The following SLC2A13 variants were observed in gnomAD, a reference collection of about 807,000 sequenced individuals.
SLC2A13 encodes solute carrier family 2 member 13.
Under a neutral mutation model 64.4 loss-of-function variants are expected in SLC2A13, and 32 were observed. That is an observed-to-expected ratio of 0.50 (90% CI 0.37 to 0.67). The LOEUF (loss-of-function observed/expected upper bound fraction) is 0.67, where lower values mean the gene tolerates loss of function less well. SLC2A13 is among the 30% of genes least tolerant of loss of function. SLC2A13 has a pLI of 0.00. For synonymous variants in SLC2A13, 338 were observed against 327.1 expected (o/e 1.03, Z -0.36); for missense variants, 743 against 829.2 (o/e 0.90, Z 1.28).
chr12:39,874,032 T>C (rs1462583491), intron 4 of SLC2A13, among the ~76,000 whole-genome samples: 1 of 152,216 alleles, frequency 6.6e-6, no homozygotes, highest in Non-Finnish European at 1.5e-5. Flanking sequence ...AGCTCATAGT[T>C]TAATTTAAAA....
At chr12:40,076,042 G>C (rs1938158502) in intron 1 of SLC2A13, among the ~76,000 whole-genome samples, 1 of 152,066 alleles carries the variant, frequency 6.6e-6, no homozygotes, top group Non-Finnish European at 1.5e-5. Context: ...CCACCATCTG[G>C]GTCATCTTGT....
At chr12:40,040,355 T>C (rs1278543275) in intron 2 of SLC2A13, among the ~76,000 whole-genome samples, 1 of 152,254 alleles carries the variant, frequency 6.6e-6, no homozygotes, top group East Asian at 1.9e-4. Flanking sequence ...ATCTTCATGA[T>C]AAACAGTCGT....
At chr12:39,794,889 A>G (rs765976255) in intron 7 of SLC2A13, among the ~76,000 whole-genome samples, 1 of 152,182 alleles carries the variant, frequency 6.6e-6, no homozygotes, top group Non-Finnish European at 1.5e-5. Context: ...TGAAGAAATG[A>G]GCTGTCAGTC....
chr12:40,025,958 C>T (rs917058742), intron 3 of SLC2A13, among the ~76,000 whole-genome samples: 2 of 152,074 alleles, frequency 1.3e-5, no homozygotes, highest in African/African-American at 2.4e-5. Flanking sequence ...TTAAACTGAC[C>T]CAGAGTCTTG....
intron 7 of SLC2A13, among the ~76,000 whole-genome samples, chr12:39,783,418 TAGTTCTGGATCCCTGAGGAATCACC>T (rs755238101): frequency 1.3e-5 from 2 of 152,232 alleles, no homozygotes; most frequent in Non-Finnish European, 2.9e-5. Context: ...ATGGTATTTC[TAGTTCTGGATCCCTGAGGAATCACC>T]ACACTGTCTT....
chr12:40,085,135 C>T, intron 1 of SLC2A13, among the ~76,000 whole-genome samples: 1 of 152,200 alleles, frequency 6.6e-6, no homozygotes, highest in East Asian at 1.9e-4. Flanking sequence ...CATCCATGTA[C>T]CAACAGTGGA....
chr12:40,009,068 G>A (rs1242771730), intron 3 of SLC2A13, among the ~76,000 whole-genome samples: 2 of 152,146 alleles, frequency 1.3e-5, no homozygotes, highest in African/African-American at 4.8e-5. Flanking sequence ...AATAATACAT[G>A]CATTATGATA....
At chr12:40,093,856 C>T (rs190958994) in intron 1 of SLC2A13, among the ~76,000 whole-genome samples, 2 of 152,188 alleles carry the variant, frequency 1.3e-5, no homozygotes, top group African/African-American at 2.4e-5. Context: ...AGACCACTAG[C>T]TTTTACTCTG....
intron 4 of SLC2A13, chr12:39,949,620 A>G (rs1946194929): frequency 6.6e-6 from 1 of 152,228 alleles, no homozygotes; most frequent in South Asian, 2.1e-4. Context: ...CCCATAAACT[A>G]GAGTTGGCTC....
intron 4 of SLC2A13, among the ~76,000 whole-genome samples, chr12:39,898,637 A>G (rs1944992820): frequency 6.6e-6 from 1 of 152,128 alleles, no homozygotes; most frequent in South Asian, 2.1e-4. Flanking sequence ...TTAGCCTGAT[A>G]CTCACACTAT....
chr12:40,035,605 G>T (rs1316642222), intron 2 of SLC2A13, among the ~76,000 whole-genome samples: 8 of 152,126 alleles, frequency 5.3e-5, no homozygotes. Context: ...TGCACAGATG[G>T]AATCTTTCAC....
intron 3 of SLC2A13, among the ~76,000 whole-genome samples, chr12:39,971,388 C>T (rs1946643790): frequency 6.6e-6 from 1 of 152,056 alleles, no homozygotes; most frequent in Non-Finnish European, 1.5e-5. Flanking sequence ...TGTTTTTCAC[C>T]TAATAAGCAT....
chr12:39,786,147 G>C (rs1190228292), intron 7 of SLC2A13, among the ~76,000 whole-genome samples: 1 of 152,080 alleles, frequency 6.6e-6, no homozygotes, highest in African/African-American at 2.4e-5. Context: ...CTTTGGCTTT[G>C]TCCCCACCCA....
intron 3 of SLC2A13, among the ~76,000 whole-genome samples, chr12:39,980,538 A>G (rs961934192): frequency 2.0e-5 from 3 of 151,892 alleles, no homozygotes; most frequent in Non-Finnish European, 4.4e-5. Flanking sequence ...TCTCTGATAA[A>G]GCAGACTTTA....
At chr12:40,046,646 A>G (rs1565603911) in intron 2 of SLC2A13, among the ~76,000 whole-genome samples, 1 of 151,946 alleles carries the variant, frequency 6.6e-6, no homozygotes, top group Non-Finnish European at 1.5e-5. Context: ...GAAAAAAAAA[A>G]AAGAAGAAAG....
intron 1 of SLC2A13, among the ~76,000 whole-genome samples, chr12:40,084,245 T>C (rs1327173883): frequency 6.6e-6 from 1 of 152,240 alleles, no homozygotes; most frequent in African/African-American, 2.4e-5. Context: ...TTACAAATAC[T>C]TCCAACTTCT....
intron 4 of SLC2A13, among the ~76,000 whole-genome samples, chr12:39,872,472 T>C (rs890867089): frequency 2.6e-5 from 4 of 152,180 alleles, no homozygotes; most frequent in African/African-American, 7.2e-5. Context: ...AGAATGTATC[T>C]AGCATTGTGT....
intron 7 of SLC2A13, among the ~76,000 whole-genome samples, chr12:39,789,092 CCAAT>C (rs1381448343): frequency 1.3e-5 from 2 of 152,052 alleles, no homozygotes; most frequent in African/African-American, 4.8e-5. Flanking sequence ...GATTTACTCA[CCAAT>C]CAGCTTATTA....
rs73092228 is a variant in SLC2A13, at chr12:39,920,973, G to A, written c.1034+30284C>T. On this transcript the variant is annotated intron_variant, in intron 4 of 9. Coordinates refer to ENST00000280871, the MANE Select transcript of SLC2A13 (RefSeq NM_052885.4). ...CAACTTCAGCACTATGCACATCAGCGCTGTGTGTAAAAAATTTGGCAAACA... is the reference window on the plus strand; with the variant it reads ...CAACTTCAGCACTATGCACATCAGCACTGTGTGTAAAAAATTTGGCAAACA... Among the ~76,000 whole-genome samples, 518 of 152,098 alleles carry A rather than the reference G, an allele frequency of 3.4e-3. 2 individuals carry two copies. Among genetic ancestry groups the A allele is most frequent in the Non-Finnish European group, 6.0e-3 (407 of 68,012 alleles).
Sources: gnomAD v4.1 joint callset for allele counts (sites outside exome capture counted in the v4.1 genomes callset) on GRCh38, gnomAD v4.1.1 for gene constraint, MANE v1.5 for transcripts, NCBI Gene and HGNC (gene_info 2026-07-23, HGNC 2026-07-21) for gene names.